TRAPPC9: variants seen among roughly 807,000 people sequenced by gnomAD.
The protein encoded by TRAPPC9 is trafficking protein particle complex subunit 9.
Under a neutral mutation model 124.0 loss-of-function variants are expected in TRAPPC9, and 83 were observed. That is an observed-to-expected ratio of 0.67 (90% CI 0.56 to 0.80). The LOEUF (loss-of-function observed/expected upper bound fraction) is 0.80. Among genes scored for constraint, TRAPPC9 ranks in the 30% least tolerant of loss-of-function variants. TRAPPC9 has a pLI of 0.00. For synonymous variants in TRAPPC9, 638 were observed against 617.5 expected (o/e 1.03, Z -0.49); for missense variants, 1,302 against 1,508.3 (o/e 0.86, Z 2.27).
At chr8:139,919,127 G>A (rs1832342583) in intron 19 of TRAPPC9, among the ~76,000 whole-genome samples, 1 of 152,232 alleles carries the variant, frequency 6.6e-6, no homozygotes, top group African/African-American at 2.4e-5. Flanking sequence ...TAGTGTCCCG[G>A]CTGCAGGGCT....
At chr8:140,092,265 T>G (rs1844621497) in intron 17 of TRAPPC9, among the ~76,000 whole-genome samples, 1 of 150,030 alleles carries the variant, frequency 6.7e-6, no homozygotes, top group Admixed American at 6.7e-5. Context: ...GGGCGCAATC[T>G]CGGCTCACTG....
intron 21 of TRAPPC9, among the ~76,000 whole-genome samples, chr8:139,861,687 G>A (rs115570365): frequency 0.022 from 3,352 of 152,230 alleles, 114 homozygotes; most frequent in African/African-American, 0.076. Context: ...CTAGGCCACT[G>A]GAGAGGGGAT....
At chr8:140,423,681 TATATACAC>T (rs2070317390) in intron 5 of TRAPPC9, among the ~76,000 whole-genome samples, 1 of 53,910 alleles carries the variant, frequency 1.9e-5, no homozygotes, top group Non-Finnish European at 6.7e-5. Flanking sequence ...CATATACACA[TATATACAC>T]ATATACACAT....
At chr8:140,199,655 T>A (rs1415206205) in intron 17 of TRAPPC9, among the ~76,000 whole-genome samples, 1 of 151,640 alleles carries the variant, frequency 6.6e-6, no homozygotes, top group African/African-American at 2.4e-5. Flanking sequence ...TCACTAAGCA[T>A]CCCAAAGTCA....
chr8:139,763,223 G>C (rs1215588473), intron 21 of TRAPPC9, among the ~76,000 whole-genome samples: 1 of 152,240 alleles, frequency 6.6e-6, no homozygotes, highest in African/African-American at 2.4e-5. Context: ...GGCGCTGAGA[G>C]GGTAAGCCAT....
intron 9 of TRAPPC9, among the ~76,000 whole-genome samples, chr8:140,323,876 CA>C (rs2066665311): frequency 2.8e-5 from 4 of 143,058 alleles, no homozygotes; most frequent in African/African-American, 1.1e-4. Flanking sequence ...TCTCAGGAAA[CA>C]AACTTTTTTA....
At chr8:140,112,360 G>A (rs11166951) in intron 17 of TRAPPC9, among the ~76,000 whole-genome samples, 1 of 115,826 alleles carries the variant, frequency 8.6e-6, no homozygotes, top group African/African-American at 3.4e-5. Context: ...GCGAGGAGAG[G>A]AATGGAGAAT....
At chr8:140,167,370 GA>G (rs1039924173) in intron 17 of TRAPPC9, among the ~76,000 whole-genome samples, 2 of 152,040 alleles carry the variant, frequency 1.3e-5, no homozygotes, top group Non-Finnish European at 2.9e-5. Flanking sequence ...ATAGGAAGGG[GA>G]AAAAACACCT....
At chr8:139,876,875 AAG>A (rs1829353277) in intron 21 of TRAPPC9, among the ~76,000 whole-genome samples, 1 of 152,152 alleles carries the variant, frequency 6.6e-6, no homozygotes, top group Admixed American at 6.5e-5. Flanking sequence ...CCTAGTCATG[AAG>A]AGTTTGGACC....
intron 17 of TRAPPC9, among the ~76,000 whole-genome samples, chr8:140,157,346 AG>A (rs1161916011): frequency 9.4e-6 from 1 of 106,744 alleles, no homozygotes; most frequent in African/African-American, 4.0e-5. Flanking sequence ...TTTTCCATTC[AG>A]AAGCCTCCCT....
At chr8:140,103,136 T>C (rs2060609447) in intron 17 of TRAPPC9, among the ~76,000 whole-genome samples, 1 of 152,160 alleles carries the variant, frequency 6.6e-6, no homozygotes, top group South Asian at 2.1e-4. Context: ...AACAGAGGGT[T>C]AGCAGTAGGG....
intron 18 of TRAPPC9, among the ~76,000 whole-genome samples, chr8:140,010,095 ATTAT>A (rs1240721631): frequency 1.3e-5 from 2 of 152,234 alleles, no homozygotes; most frequent in Non-Finnish European, 2.9e-5. Flanking sequence ...GTCTTATTTC[ATTAT>A]TTATTTATAC....
At chr8:139,872,388 G>GTGGATGGATGGATGGATGGA (rs112393714) in intron 21 of TRAPPC9, among the ~76,000 whole-genome samples, 5 of 74,806 alleles carry the variant, frequency 6.7e-5, no homozygotes, top group African/African-American at 2.1e-4. Context: ...GGATAAGTGG[G>GTGGATGGATGGATGGATGGA]TGGATGGATG....
intron 21 of TRAPPC9, among the ~76,000 whole-genome samples, chr8:139,757,366 T>C (rs1187120383): frequency 1.9e-5 from 2 of 107,164 alleles, no homozygotes; most frequent in Admixed American, 9.6e-5. Flanking sequence ...GGAGCCAGCG[T>C]TGGGGGATGA....
intron 10 of TRAPPC9, among the ~76,000 whole-genome samples, chr8:140,301,858 T>C (rs559343444): frequency 2.0e-5 from 3 of 152,106 alleles, no homozygotes; most frequent in East Asian, 1.9e-4. Flanking sequence ...AGGCTGGACA[T>C]TGAGAAGGTG....
chr8:140,457,374 G>A (rs1218466300), intron 1 of TRAPPC9, among the ~76,000 whole-genome samples: 4 of 152,226 alleles, frequency 2.6e-5, no homozygotes, highest in Non-Finnish European at 4.4e-5. Context: ...GTCCCGGACA[G>A]GTGTCCGCCG....
chr8:139,910,834 C>T lies in TRAPPC9; in HGVS notation c.2811-534G>A, dbSNP rs367925384. Among the ~76,000 whole-genome samples, 12 of 152,308 alleles carry T rather than the reference C, an allele frequency of 7.9e-5. 1 individual carries two copies. The South Asian group carries it at 2.5e-3, about 32-fold the overall frequency. ...CGGTTGCATTTACCCAATGTCTGTA[C>T]CCCTATTGTATCTAGGAAATAACTA... On this transcript the variant is annotated intron_variant, in intron 19 of 22. Transcript: ENST00000438773.
chr8:139,925,345 G>C (rs1317513297), intron 19 of TRAPPC9, among the ~76,000 whole-genome samples: 1 of 152,180 alleles, frequency 6.6e-6, no homozygotes, highest in Admixed American at 6.5e-5. Flanking sequence ...ATGGAGGTGG[G>C]GGAATCTTAG....
At chr8:139,940,379 T>C (rs938170347) in intron 19 of TRAPPC9, among the ~76,000 whole-genome samples, 2 of 152,274 alleles carry the variant, frequency 1.3e-5, no homozygotes, top group Non-Finnish European at 2.9e-5. Context: ...CAACAAATAT[T>C]ATCATCGTCA....
Sources: gnomAD v4.1 joint callset for allele counts (sites outside exome capture counted in the v4.1 genomes callset) on GRCh38, gnomAD v4.1.1 for gene constraint, MANE v1.5 for transcripts, NCBI Gene and HGNC (gene_info 2026-07-23, HGNC 2026-07-21) for gene names.